Variants in CHODL observed in about 807,000 individuals in gnomAD.
CHODL encodes the protein chondrolectin, also known as transmembrane protein MT75.
Under a neutral mutation model 34.5 loss-of-function variants are expected in CHODL, and 29 were observed. The ratio of observed to expected loss-of-function variants is 0.84; its 90% CI spans 0.63 to 1.15. The LOEUF is 1.15. CHODL is among the 50% of genes most tolerant of loss of function. CHODL has a pLI of 0.00. For missense variants in CHODL, 332 were observed against 332.5 expected (o/e 1.00, Z 0.01); for synonymous variants, 125 against 116.1 (o/e 1.08, Z -0.49).
intron 1 of CHODL, among the ~76,000 whole-genome samples, chr21:17,926,246 G>GA (rs150702868): frequency 0.056 from 8,378 of 150,258 alleles, 608 homozygotes; most frequent in African/African-American, 0.17. Context: ...TTTATGAAAT[G>GA]AAAAAAAAAT....
Position 18,197,474 on chromosome 21 carries a change from G to A in CHODL, c.-44-59035G>A, listed in dbSNP as rs796232448. Among the ~76,000 whole-genome samples, 8 of 152,236 alleles carry A rather than the reference G, an allele frequency of 5.3e-5. 1 individual carries two copies. The highest frequency in any genetic ancestry group is 1.4e-4 in the African/African-American group (6 of 41,550). ...AAAAAATACAAAAGATTAGCCGGGC[G>A]TGGTGGTGGTGCATGCCTGTAATCC... On this transcript the variant is annotated intron_variant, in intron 2 of 6. Transcript: ENST00000400127.
chr21:18,251,343 A>T (rs986501691), intron 1 of CHODL, among the ~76,000 whole-genome samples: 41 of 148,398 alleles, frequency 2.8e-4, no homozygotes, highest in South Asian at 1.7e-3. Flanking sequence ...TGTGAAACTA[A>T]TAAGGATGAA....
intron 1 of CHODL, 111 bp downstream of exon 1, chr21:18,245,413 G>C (rs1239290712): frequency 2.4e-6 from 2 of 822,076 alleles, no homozygotes; most frequent in Non-Finnish European, 3.6e-6. Flanking sequence ...AACCTGCATG[G>C]TGTAAGGACC....
chr21:18,173,490 G>C (rs931194153), intron 2 of CHODL, among the ~76,000 whole-genome samples: 69 of 152,092 alleles, frequency 4.5e-4, no homozygotes, highest in African/African-American at 1.6e-3. Flanking sequence ...CATTACTATA[G>C]AGTAATAGCA....
chr21:18,198,661 C>T (rs1480349337), intron 2 of CHODL, among the ~76,000 whole-genome samples: 2 of 152,054 alleles, frequency 1.3e-5, no homozygotes, highest in African/African-American at 4.8e-5. Flanking sequence ...GGGTAAAAGA[C>T]ATTCCTGAGA....
At chr21:17,966,450 G>T (rs1264630810) in intron 1 of CHODL, among the ~76,000 whole-genome samples, 1 of 152,178 alleles carries the variant, frequency 6.6e-6, no homozygotes, top group Non-Finnish European at 1.5e-5. Flanking sequence ...ATCTTTCTTA[G>T]AGTTTAAACA....
chr21:18,266,584 A>G lies in CHODL; in HGVS notation c.*546A>G, dbSNP rs1270847849. On this transcript the variant is annotated 3_prime_UTR_variant, in exon 6 of 6. Coordinates refer to ENST00000299295, the MANE Select transcript of CHODL (RefSeq NM_024944.3). The stretch of plus-strand genomic sequence containing the variant: ...CACACACACAAATATAGTACCATAG[A>G]AAAAGTTTGTTTTCTCGAAATAATT... 6.5e-6 allele frequency: 1 copy of G among 153,024 alleles called. No homozygotes were observed. The highest frequency in any genetic ancestry group is 1.5e-5 in the Non-Finnish European group (1 of 68,544). 9.5% of individuals were successfully genotyped at this position (153,024 alleles called of 1,614,324 possible).
At chr21:18,235,860 G>C (rs778570600) in intron 2 of CHODL, among the ~76,000 whole-genome samples, 1 of 152,028 alleles carries the variant, frequency 6.6e-6, no homozygotes, top group Non-Finnish European at 1.5e-5. Context: ...AATCCAGGGA[G>C]GAAAGGAAAT....
intron 2 of CHODL, among the ~76,000 whole-genome samples, chr21:18,108,697 A>G (rs1167971962): frequency 6.6e-6 from 1 of 152,202 alleles, no homozygotes; most frequent in South Asian, 2.1e-4. Context: ...TGGTCATTCC[A>G]CTGGAAAAAC....
At chr21:18,218,664 G>C (rs1330667334) in intron 2 of CHODL, among the ~76,000 whole-genome samples, 1 of 152,050 alleles carries the variant, frequency 6.6e-6, no homozygotes, top group East Asian at 1.9e-4. Context: ...CTATTTCGTT[G>C]CCAGGCTGCA....
intron 2 of CHODL, among the ~76,000 whole-genome samples, chr21:18,121,525 G>C (rs1479960371): frequency 6.8e-6 from 1 of 147,802 alleles, no homozygotes; most frequent in South Asian, 2.1e-4. Context: ...TTACTTTCTT[G>C]TTCTTCAAAT....
intron 2 of CHODL, among the ~76,000 whole-genome samples, chr21:18,097,612 A>G (rs1228900937): frequency 6.6e-6 from 1 of 152,146 alleles, no homozygotes; most frequent in East Asian, 1.9e-4. Context: ...ATGGATTGGA[A>G]GAATTAATAT....
intron 2 of CHODL, among the ~76,000 whole-genome samples, chr21:18,185,043 C>T (rs1331737503): frequency 6.6e-6 from 1 of 151,842 alleles, no homozygotes; most frequent in African/African-American, 2.4e-5. Context: ...TCTTTTTATA[C>T]TTTAGGTTCT....
chr21:18,204,369 G>A (rs1264368981), intron 2 of CHODL, among the ~76,000 whole-genome samples: 1 of 152,026 alleles, frequency 6.6e-6, no homozygotes, highest in Non-Finnish European at 1.5e-5. Flanking sequence ...CATCTCTGCA[G>A]CTTACCAATT....
intron 2 of CHODL, among the ~76,000 whole-genome samples, chr21:18,074,561 A>G (rs2064843162): frequency 6.6e-6 from 1 of 152,148 alleles, no homozygotes; most frequent in Non-Finnish European, 1.5e-5. Flanking sequence ...TGCTTTTAAA[A>G]GTTTTCGCTT....
chr21:18,224,750 A>G (rs1601168903), intron 2 of CHODL, among the ~76,000 whole-genome samples: 2 of 152,142 alleles, frequency 1.3e-5, no homozygotes. Context: ...TTAGTATGAA[A>G]GCTGAGAAGG....
chr21:17,985,546 C>G (rs1487384060), intron 1 of CHODL, among the ~76,000 whole-genome samples: 1 of 152,150 alleles, frequency 6.6e-6, no homozygotes, highest in African/African-American at 2.4e-5. Flanking sequence ...TGTATGTCTA[C>G]TTTTCAATTA....
intron 2 of CHODL, among the ~76,000 whole-genome samples, chr21:18,175,395 C>T (rs2073293652): frequency 6.6e-6 from 1 of 152,010 alleles, no homozygotes; most frequent in East Asian, 1.9e-4. Flanking sequence ...AGTTTGAGAC[C>T]AGCCTGGCCA....
intron 1 of CHODL, among the ~76,000 whole-genome samples, chr21:17,997,499 G>A (rs1280658292): frequency 6.6e-6 from 1 of 152,184 alleles, no homozygotes; most frequent in East Asian, 1.9e-4. Context: ...ATGGAGATGG[G>A]TAGTAGATTC....
Sources: allele counts gnomAD v4.1 joint callset (sites outside exome capture counted in the v4.1 genomes callset), GRCh38; gene constraint gnomAD v4.1.1; transcripts MANE v1.5; gene names NCBI Gene and HGNC (gene_info 2026-07-23, HGNC 2026-07-21).